SYN2: variants seen among roughly 807,000 people sequenced by gnomAD.
SYN2 encodes synapsin II.
Under a neutral mutation model 50.9 loss-of-function variants are expected in SYN2, and 19 were observed. The ratio of observed to expected loss-of-function variants is 0.37; its 90% CI spans 0.26 to 0.55. SYN2 has a LOEUF of 0.55. Ranked by LOEUF, SYN2 falls within the 20% of genes least tolerant of loss-of-function variation. SYN2 has a pLI of 0.81. For missense variants in SYN2, 587 were observed against 576.4 expected, an observed-to-expected ratio of 1.02 and a Z score of -0.19; for synonymous variants, 255 against 224.9, an observed-to-expected ratio of 1.13 and a Z score of -1.20.
At chr3:12,152,196 G>GT (rs371384606) in intron 5 of SYN2, among the ~76,000 whole-genome samples, 1 of 152,314 alleles carries the variant, frequency 6.6e-6, no homozygotes, top group African/African-American at 2.4e-5. Context: ...CTGACACATT[G>GT]TGCATGGCCC....
chr3:12,184,426 C>T (rs1246296818), intron 11 of SYN2: 2 of 985,798 alleles, frequency 2.0e-6, no homozygotes, highest in African/African-American at 3.5e-5. Context: ...CAGGGAGCTA[C>T]TGAAGGTCTG....
At chr3:12,121,403 G>A (rs913311771) in intron 1 of SYN2, among the ~76,000 whole-genome samples, 3 of 152,130 alleles carry the variant, frequency 2.0e-5, no homozygotes, top group Admixed American at 6.6e-5. Context: ...TTATGCTATT[G>A]TAATGTTTTG....
At chr3:12,090,809 C>G (rs1695809765) in intron 1 of SYN2, among the ~76,000 whole-genome samples, 1 of 152,088 alleles carries the variant, frequency 6.6e-6, no homozygotes, top group African/African-American at 2.4e-5. Context: ...AACTTTTCCT[C>G]CACAGTTACC....
chr3:12,145,954 C>T, intron 4 of SYN2, 119 bp downstream of exon 4: 1 of 1,412,738 alleles, frequency 7.1e-7, no homozygotes, highest in Non-Finnish European at 9.7e-7. Flanking sequence ...CCTACATCTT[C>T]CAGGCCCCTA....
intron 9 of SYN2, 111 bp from the exon 10 acceptor site, chr3:12,169,646 T>A: frequency 1.6e-6 from 2 of 1,214,142 alleles, no homozygotes; most frequent in South Asian, 1.5e-5. Context: ...GAACTCCTGC[T>A]TCATCTCCAG....
chr3:12,076,075 A>C (rs1373273727), intron 1 of SYN2, among the ~76,000 whole-genome samples: 9 of 152,154 alleles, frequency 5.9e-5, no homozygotes. Context: ...TAACAAGCTC[A>C]AGTCACATAG....
chr3:12,136,013 A>G (rs1696886815), intron 1 of SYN2, among the ~76,000 whole-genome samples: 1 of 152,252 alleles, frequency 6.6e-6, no homozygotes, highest in Non-Finnish European at 1.5e-5. Context: ...GCATTGTTAC[A>G]TAATCTAGTG....
rs1014540336 is a variant in SYN2 at position 12,167,178 on chromosome 3, C to T, written c.981-56C>T. 7 of 1,563,744 alleles carry T rather than the reference C, an allele frequency of 4.5e-6. No homozygotes were observed. In the African/African-American group the frequency reaches 9.5e-5, roughly 21 times the overall value. ...CTAAAATTCTGGAAAGTTGCATGCC[C>T]TCCTCTTGCTGGTGTGGCTCACTGC... On this transcript the variant is annotated intron_variant, in intron 7 of 12. Transcript: ENST00000621198.
intron 1 of SYN2, among the ~76,000 whole-genome samples, chr3:12,133,983 A>G (rs867419431): frequency 2.6e-5 from 4 of 152,230 alleles, no homozygotes; most frequent in Non-Finnish European, 4.4e-5. Context: ...TATTGGCTAC[A>G]GAGTTTTTGT....
At chr3:12,075,018 A>G (rs1183259308) in intron 1 of SYN2, among the ~76,000 whole-genome samples, 1 of 152,178 alleles carries the variant, frequency 6.6e-6, no homozygotes. Flanking sequence ...CAGAATTACT[A>G]ATTTTAAATT....
At chr3:12,144,674 C>G (rs1697103991) in intron 3 of SYN2, among the ~76,000 whole-genome samples, 1 of 152,142 alleles carries the variant, frequency 6.6e-6, no homozygotes, top group East Asian at 1.9e-4. Context: ...AGTGCTTAGC[C>G]CAGAGGAGAG....
At chr3:12,018,237 T>G (rs999804910) in intron 1 of SYN2, among the ~76,000 whole-genome samples, 1 of 151,998 alleles carries the variant, frequency 6.6e-6, no homozygotes, top group African/African-American at 2.4e-5. Flanking sequence ...GGATTTAGAT[T>G]AGTGAGGAAG....
chr3:12,090,367 C>T (rs1695799788), intron 1 of SYN2, among the ~76,000 whole-genome samples: 1 of 59,386 alleles, frequency 1.7e-5, no homozygotes, highest in Non-Finnish European at 3.2e-5. Flanking sequence ...CCCATGGGAG[C>T]ATCAAACACA....
In SYN2 at chr3:12,190,713, C is replaced by A; in HGVS notation, c.*88C>A. ...CAGTCAGCCAGCTTGGTGGTTATGT[C>A]CCATGACCTTGACGTGTGTGGTCCC... is the stretch of plus-strand genomic sequence containing the variant. On this transcript the variant is annotated 3_prime_UTR_variant, in exon 13 of 13. Coordinates refer to ENST00000621198, the MANE Select transcript of SYN2 (RefSeq NM_133625.6). 1 of 1,547,256 alleles carries A rather than the reference C, an allele frequency of 6.5e-7. No individual in the cohort carries two copies. Among genetic ancestry groups the A allele is most frequent in the East Asian group, 2.3e-5 (1 of 43,858 alleles).
intron 1 of SYN2, among the ~76,000 whole-genome samples, chr3:12,018,222 G>A (rs777015901): frequency 1.3e-5 from 2 of 152,158 alleles, no homozygotes; most frequent in Admixed American, 6.5e-5. Context: ...TTTGAAAGAT[G>A]AGTGGGATTT....
intron 1 of SYN2, among the ~76,000 whole-genome samples, chr3:12,090,788 A>G (rs1397084956): frequency 6.6e-6 from 1 of 152,072 alleles, no homozygotes; most frequent in African/African-American, 2.4e-5. Flanking sequence ...CTGGCTAGGG[A>G]GTGATTTTCT....
At chr3:12,097,112 G>A (rs1339838747) in intron 1 of SYN2, among the ~76,000 whole-genome samples, 1 of 152,150 alleles carries the variant, frequency 6.6e-6, no homozygotes, top group Non-Finnish European at 1.5e-5. Context: ...ACAGTGTGGC[G>A]ATTCCTCAAG....
intron 1 of SYN2, among the ~76,000 whole-genome samples, chr3:12,099,406 G>A (rs1313865691): frequency 2.0e-5 from 3 of 152,014 alleles, no homozygotes; most frequent in Non-Finnish European, 4.4e-5. Flanking sequence ...GTAACAGAAG[G>A]AAATTTGAGA....
intron 1 of SYN2, among the ~76,000 whole-genome samples, chr3:12,093,565 T>C (rs80255761): frequency 7.8e-4 from 119 of 152,286 alleles, no homozygotes; most frequent in African/African-American, 2.8e-3. Flanking sequence ...CTTAAATTTT[T>C]CTTGGTTCTG....
Sources: gnomAD v4.1 joint callset for allele counts (sites outside exome capture counted in the v4.1 genomes callset) on GRCh38, gnomAD v4.1.1 for gene constraint, MANE v1.5 for transcripts, NCBI Gene and HGNC (gene_info 2026-07-23, HGNC 2026-07-21) for gene names.